Variants in LAMA2 observed in about 807,000 individuals in gnomAD.
LAMA2 encodes laminin subunit alpha-2.
A neutral mutation model predicts 364.8 loss-of-function variants in LAMA2; 269 were observed. That is an observed-to-expected ratio of 0.74 (90% CI 0.67 to 0.82). The LOEUF (loss-of-function observed/expected upper bound fraction) is 0.82. Ranked by LOEUF, LAMA2 falls within the 40% of genes least tolerant of loss-of-function variation. The pLI, the probability that LAMA2 is intolerant of heterozygous loss-of-function variation, is 0.00. For missense variants in LAMA2, 3,807 were observed against 3,873.2 expected, an observed-to-expected ratio of 0.98 and a Z score of 0.45; for synonymous variants, 1,379 against 1,370.6, an observed-to-expected ratio of 1.01 and a Z score of -0.14.
intron 29 of LAMA2, among the ~76,000 whole-genome samples, chr6:129,341,935 T>A (rs759248002): frequency 5.3e-5 from 8 of 152,362 alleles, no homozygotes; most frequent in Non-Finnish European, 7.4e-5. Context: ...AAGGCCACAG[T>A]ATTTGTAGCA....
chr6:128,923,889 T>C (rs1778913890), intron 1 of LAMA2, among the ~76,000 whole-genome samples: 3 of 152,172 alleles, frequency 2.0e-5, no homozygotes, highest in Admixed American at 2.0e-4. Context: ...CTTTTATGGT[T>C]GCTATGGCAG....
At chr6:129,049,470 T>G (rs1391771877) in intron 1 of LAMA2, among the ~76,000 whole-genome samples, 1 of 152,090 alleles carries the variant, frequency 6.6e-6, no homozygotes, top group African/African-American at 2.4e-5. Flanking sequence ...CACTGAAGGA[T>G]AATTAGAGCA....
At chr6:129,158,134 C>A in intron 8 of LAMA2, 1 of 1,612,470 alleles carries the variant, frequency 6.2e-7, no homozygotes, top group Non-Finnish European at 8.5e-7. Flanking sequence ...TTAAGCAGGG[C>A]TCTGGTGTCC....
chr6:128,914,525 CT>C (rs1272630349), intron 1 of LAMA2, among the ~76,000 whole-genome samples: 1 of 152,166 alleles, frequency 6.6e-6, no homozygotes, highest in Non-Finnish European at 1.5e-5. Flanking sequence ...CCAGTACATC[CT>C]AGTCCAGTTC....
intron 1 of LAMA2, among the ~76,000 whole-genome samples, chr6:128,975,780 C>T (rs1782493430): frequency 6.6e-6 from 1 of 152,178 alleles, no homozygotes; most frequent in African/African-American, 2.4e-5. Flanking sequence ...TACTTTCTGC[C>T]ATGATTGTGA....
rs1329542919 is a variant in LAMA2, at chr6:129,200,306, G to GTA, written c.1782+7462_1782+7463dup. Among the ~76,000 whole-genome samples the GTA allele has an allele frequency of 6.5e-5, 6 of 91,976 alleles. 2 individuals carry two copies. The highest frequency in any genetic ancestry group is 1.1e-4 in the African/African-American group (2 of 18,326). The allele number at this position is 91,976 out of a possible 152,430, so 60.3% of individuals were successfully genotyped here. A position where few individuals can be genotyped will look rare whatever the true frequency, so the allele number is the denominator to read the frequency against. On this transcript the variant is annotated intron_variant, in intron 12 of 64. Coordinates refer to ENST00000421865, the MANE Select transcript of LAMA2 (RefSeq NM_000426.4). ...TATACGTGTACACATATACATGTGT[G>GTA]TATATATATACGTGTACACATATAC...
intron 23 of LAMA2, among the ~76,000 whole-genome samples, chr6:129,314,155 C>T (rs928183845): frequency 6.6e-6 from 1 of 152,118 alleles, no homozygotes; most frequent in Admixed American, 6.5e-5. Flanking sequence ...AATCCCACCA[C>T]TTTGGGAGGC....
chr6:128,990,588 T>A (rs1783550903), intron 1 of LAMA2, among the ~76,000 whole-genome samples: 1 of 152,164 alleles, frequency 6.6e-6, no homozygotes, highest in Admixed American at 6.6e-5. Context: ...ACTTTGTAGT[T>A]AGGCGATTAA....
intron 22 of LAMA2, among the ~76,000 whole-genome samples, chr6:129,305,904 T>C (rs1376270063): frequency 3.9e-5 from 6 of 152,114 alleles, no homozygotes; most frequent in Admixed American, 3.9e-4. Context: ...TAAATATACC[T>C]ATTCATTTTA....
chr6:129,320,426 C>T, intron 27 of LAMA2, 112 bp from the exon 28 acceptor site: 1 of 769,058 alleles, frequency 1.3e-6, no homozygotes, highest in Non-Finnish European at 2.4e-6. Flanking sequence ...GACAATAGAA[C>T]ATACTTGAGG....
intron 3 of LAMA2, among the ~76,000 whole-genome samples, chr6:129,090,657 C>A (rs551768840): frequency 1.3e-5 from 2 of 152,274 alleles, no homozygotes; most frequent in East Asian, 3.9e-4. Flanking sequence ...GTACTGTTTG[C>A]ATATTTCTCT....
chr6:129,220,166 C>A (rs1195997230), intron 12 of LAMA2, among the ~76,000 whole-genome samples: 4 of 151,968 alleles, frequency 2.6e-5, no homozygotes, highest in African/African-American at 9.7e-5. Flanking sequence ...ATATTTTTTG[C>A]ACAACTAAGT....
intron 64 of LAMA2, among the ~76,000 whole-genome samples, chr6:129,515,605 T>TAA (rs1786990883): frequency 6.9e-6 from 1 of 143,888 alleles, no homozygotes; most frequent in Admixed American, 7.2e-5. Flanking sequence ...AAGAAAGTGA[T>TAA]AAAGTCACCT....
intron 28 of LAMA2, among the ~76,000 whole-genome samples, chr6:129,326,320 C>T (rs1203985461): frequency 2.0e-5 from 3 of 152,234 alleles, no homozygotes; most frequent in South Asian, 2.1e-4. Flanking sequence ...CACAGACTCC[C>T]ACTATGGGCG....
chr6:129,341,100 G>A (rs1776244017), intron 29 of LAMA2, among the ~76,000 whole-genome samples: 1 of 152,204 alleles, frequency 6.6e-6, no homozygotes, highest in African/African-American at 2.4e-5. Flanking sequence ...GGCAATATCT[G>A]TGGTGGAAAT....
At chr6:129,383,011 T>C (rs977204376) in intron 34 of LAMA2, 111 bp from the exon 35 acceptor site, 9 of 802,398 alleles carry the variant, frequency 1.1e-5, no homozygotes, top group Non-Finnish European at 1.9e-5. Flanking sequence ...AATTCATCGA[T>C]TGCCGTTGGC....
At chr6:129,390,070 A>G (rs1779236952) in intron 35 of LAMA2, among the ~76,000 whole-genome samples, 1 of 152,260 alleles carries the variant, frequency 6.6e-6, no homozygotes, top group Admixed American at 6.5e-5. Flanking sequence ...CTTTTAAACC[A>G]AAGACATATA....
chr6:129,172,171 A>G (rs1483441233), intron 9 of LAMA2, among the ~76,000 whole-genome samples: 2 of 152,038 alleles, frequency 1.3e-5, no homozygotes, highest in Non-Finnish European at 2.9e-5. Context: ...TTCTTCTCTC[A>G]GCTCGTCAAA....
At chr6:129,006,305 C>A (rs1220047251) in intron 1 of LAMA2, among the ~76,000 whole-genome samples, 1 of 152,152 alleles carries the variant, frequency 6.6e-6, no homozygotes, top group Non-Finnish European at 1.5e-5. Context: ...GAAATTTTAA[C>A]ATGCTTTCTG....
Sources: gnomAD v4.1 joint callset for allele counts (sites outside exome capture counted in the v4.1 genomes callset) on GRCh38, gnomAD v4.1.1 for gene constraint, MANE v1.5 for transcripts, NCBI Gene and HGNC (gene_info 2026-07-23, HGNC 2026-07-21) for gene names.